RRBP1: variants seen among roughly 807,000 people sequenced by gnomAD.
RRBP1 encodes the protein ribosome binding protein 1, also known as ribosome-binding protein 1.
A neutral mutation model predicts 165.2 loss-of-function variants in RRBP1; 94 were observed. The observed-to-expected ratio is 0.57, with a 90% CI of 0.48 to 0.68. The LOEUF (loss-of-function observed/expected upper bound fraction) is 0.68. Among genes scored for constraint, RRBP1 ranks in the 30% least tolerant of loss-of-function variants. The pLI is 0.00. For missense variants in RRBP1, 1,676 were observed against 1,763.0 expected (o/e 0.95, Z 0.88); for synonymous variants, 680 against 714.5 (o/e 0.95, Z 0.77).
chr20:17,640,416 G>A (rs181907399), intron 5 of RRBP1, among the ~76,000 whole-genome samples: 7 of 152,350 alleles, frequency 4.6e-5, no homozygotes, highest in African/African-American at 1.7e-4. Flanking sequence ...TAGGGAAAGG[G>A]AAGAGGTGAG....
chr20:17,672,648 G>A (rs182291162), intron 2 of RRBP1, among the ~76,000 whole-genome samples: 197 of 152,228 alleles, frequency 1.3e-3, no homozygotes, highest in African/African-American at 4.0e-3. Context: ...ACCTCCTTCT[G>A]GTCCTGCAAT....
Position 17,643,067 on chromosome 20 carries a change from C to T in RRBP1, c.1973G>A (p.Gly658Glu). 1 of 1,614,112 alleles carries T rather than the reference C, an allele frequency of 6.2e-7. No individual in the cohort carries two copies. Among genetic ancestry groups the T allele is most frequent in the African/African-American group, 1.3e-5 (1 of 75,050 alleles). The change falls in exon 4 of 25, where the codon GGG becomes GAG. Residue 658 changes from glycine (G) to glutamate (E), a missense_variant. Physicochemically the swap from Gly to Glu is moderately conservative, Grantham distance 98. Coordinates refer to ENST00000377813, the MANE Select transcript of RRBP1 (RefSeq NM_001365613.2). The surrounding 1 kb of genome is among the most constrained non-coding windows in gnomAD (Gnocchi z 4.3). Reference protein sequence around the residue: ...LPYKTLVSTVGSMVFNEGEAQ... With the variant: ...LPYKTLVSTVESMVFNEGEAQ... ...CTCGCCCTCGTTGAACACCATGCTCCCAACCGTGGAGACCAGCGTCTTGTA... is the reference window on the plus strand; with the variant it reads ...CTCGCCCTCGTTGAACACCATGCTCTCAACCGTGGAGACCAGCGTCTTGTA...
In RRBP1 at chr20:17,618,742, C is replaced by A. The variant is rs894493395; in HGVS notation, c.3676-63G>T. 7.1e-6 allele frequency: 9 copies of A among 1,262,244 alleles called. No individual in the cohort carries two copies. In the East Asian group the frequency reaches 1.4e-4, roughly 20 times the overall value. 78.2% of individuals were successfully genotyped at this position (1,262,244 alleles called of 1,614,324 possible). On this transcript the variant is annotated intron_variant, in intron 19 of 24. Transcript: ENST00000377813. ...GAGAGAAAAGGAGAAAACCAGTCCCCGTGAGTTAGCGCCGAAACATAAAAC... is the reference window on the plus strand; with the variant it reads ...GAGAGAAAAGGAGAAAACCAGTCCCAGTGAGTTAGCGCCGAAACATAAAAC...
At chr20:17,614,659 C>A in intron 24 of RRBP1, 78 bp downstream of exon 24, 1 of 1,572,544 alleles carries the variant, frequency 6.4e-7, no homozygotes. Context: ...CCGCCCAGCT[C>A]TGCCTCTCCC....
At chr20:17,670,465 C>T (rs567599049) in intron 2 of RRBP1, among the ~76,000 whole-genome samples, 4 of 149,062 alleles carry the variant, frequency 2.7e-5, no homozygotes, top group African/African-American at 9.8e-5. Flanking sequence ...CAGTAACACA[C>T]AGCACTCACA....
chr20:17,637,776 G>A (rs924713509), intron 5 of RRBP1, among the ~76,000 whole-genome samples: 3 of 152,220 alleles, frequency 2.0e-5, no homozygotes, highest in African/African-American at 4.8e-5. Flanking sequence ...ACTTTTCAAA[G>A]ACAATCATCT....
chr20:17,616,135 T>G, intron 21 of RRBP1, 126 bp from the exon 22 acceptor site: 2 of 762,272 alleles, frequency 2.6e-6, no homozygotes, highest in Non-Finnish European at 4.2e-6. Flanking sequence ...AACGCTCCCC[T>G]CGTTGGGGAG....
chr20:17,654,832 G>C (rs1200910204), intron 3 of RRBP1, among the ~76,000 whole-genome samples: 3 of 152,238 alleles, frequency 2.0e-5, no homozygotes, highest in East Asian at 3.8e-4. Flanking sequence ...GCGGTGCTGA[G>C]CTATGTCCAG....
chr20:17,637,160 G>A (rs1019050510), intron 5 of RRBP1, among the ~76,000 whole-genome samples: 5 of 152,002 alleles, frequency 3.3e-5, no homozygotes, highest in Admixed American at 6.5e-5. Context: ...AGCCCTGATG[G>A]CTAGGGTGGG....
At chr20:17,618,266 A>C (rs1006756039) in intron 20 of RRBP1, among the ~76,000 whole-genome samples, 1 of 152,206 alleles carries the variant, frequency 6.6e-6, no homozygotes, top group Non-Finnish European at 1.5e-5. Flanking sequence ...AGGGACTGCA[A>C]TATCCCTGAC....
chr20:17,632,184 G>A (rs2036163406), intron 8 of RRBP1, among the ~76,000 whole-genome samples: 1 of 152,194 alleles, frequency 6.6e-6, no homozygotes. Context: ...GACTTGACAG[G>A]CACAGAATCT....
intron 11 of RRBP1, among the ~76,000 whole-genome samples, chr20:17,625,918 C>T (rs1344507959): frequency 6.6e-6 from 1 of 152,154 alleles, no homozygotes; most frequent in African/African-American, 2.4e-5. Context: ...CTCCTGGGGC[C>T]CTCACAGCTT....
intron 3 of RRBP1, among the ~76,000 whole-genome samples, chr20:17,648,046 T>G (rs1368375412): frequency 6.6e-6 from 1 of 152,210 alleles, no homozygotes; most frequent in Admixed American, 6.5e-5. Context: ...CATCAGCCTC[T>G]GCAGACCAAG....
At chr20:17,630,606 A>G (rs755037152) in intron 8 of RRBP1, among the ~76,000 whole-genome samples, 1 of 152,202 alleles carries the variant, frequency 6.6e-6, no homozygotes, top group Admixed American at 6.5e-5. Context: ...TTCCCGGCTC[A>G]GTGTCAGGCA....
At chr20:17,623,757 C>T (rs1325111697) in intron 13 of RRBP1, among the ~76,000 whole-genome samples, 2 of 152,154 alleles carry the variant, frequency 1.3e-5, no homozygotes, top group African/African-American at 4.8e-5. Context: ...CATGGCAAAA[C>T]CCCATCTGTA....
Position 17,633,427 on chromosome 20 carries a change from CAG to C in RRBP1, c.2610+31_2610+32del, listed in dbSNP as rs753709322. The stretch of plus-strand genomic sequence containing the variant: ...GCAGACAGGCTTGCTGGGCAGTGAA[CAG>C]GGCACTGAGGCGGCCACTGCCCCGA... On this transcript the variant is annotated intron_variant, in intron 8 of 24. Transcript: ENST00000377813. 8.1e-6 allele frequency: 13 copies of C among 1,601,360 alleles called. No individual in the cohort carries two copies. The South Asian group carries it at 1.0e-4, about 13-fold the overall frequency.
At chr20:17,623,241 G>A (rs1399918538) in intron 13 of RRBP1, 1 of 152,244 alleles carries the variant, frequency 6.6e-6, no homozygotes, top group African/African-American at 2.4e-5. Flanking sequence ...GCTCTCACAG[G>A]GTGGCCTGAG....
rs200048365 is a variant in RRBP1, at chr20:17,618,753, G to A, written c.3676-74C>T. ...AGAAAACCAGTCCCCGTGAGTTAGC[G>A]CCGAAACATAAAACCTAACACATCC... On this transcript the variant is annotated intron_variant, in intron 19 of 24. Coordinates refer to ENST00000377813, the MANE Select transcript of RRBP1 (RefSeq NM_001365613.2). 4.9e-4 allele frequency: 574 copies of A among 1,181,478 alleles called. 4 individuals carry two copies. Among genetic ancestry groups the A allele is most frequent in the East Asian group, 8.5e-4 (36 of 42,318 alleles). 73.2% of individuals were successfully genotyped at this position (1,181,478 alleles called of 1,614,324 possible).
At chr20:17,628,547 G>A (rs1303319142) in intron 9 of RRBP1, among the ~76,000 whole-genome samples, 3 of 152,308 alleles carry the variant, frequency 2.0e-5, no homozygotes, top group East Asian at 1.9e-4. Context: ...CACATGAGAC[G>A]ACTTCATCTC....
Sources: gnomAD v4.1 joint callset for allele counts (sites outside exome capture counted in the v4.1 genomes callset) on GRCh38, gnomAD v4.1.1 for gene constraint, Gnocchi (gnomAD v3.1) non-coding constraint, MANE v1.5 for transcripts, NCBI Gene and HGNC (gene_info 2026-07-23, HGNC 2026-07-21) for gene names.